The following TTN variants were observed in gnomAD, a reference collection of about 807,000 sequenced individuals.
TTN encodes connectin.
A neutral mutation model predicts 3,223.0 loss-of-function variants in TTN; 1,525 were observed. That is an observed-to-expected ratio of 0.47 (90% CI 0.45 to 0.49). The LOEUF (loss-of-function observed/expected upper bound fraction) is 0.49. TTN is among the 20% of genes least tolerant of loss of function. TTN has a pLI of 0.00. For missense variants in TTN, 40,786 were observed against 43,424.0 expected, an observed-to-expected ratio of 0.94 and a Z score of 5.40; for synonymous variants, 14,094 against 15,161.0, an observed-to-expected ratio of 0.93 and a Z score of 5.17.
At chr2:178,678,606 C>T in intron 143 of TTN, 109 bp from the exon 144 acceptor site, 2 of 1,134,736 alleles carry the variant, frequency 1.8e-6, no homozygotes, top group African/African-American at 1.6e-5. Flanking sequence ...AAAGGTATTC[C>T]AAGAAGCATT....
chr2:178,724,991 A>T (rs1296962976), intron 71 of TTN: 3 of 208,534 alleles, frequency 1.4e-5, no homozygotes, highest in Non-Finnish European at 2.8e-5. Flanking sequence ...ACAATTGTTT[A>T]ATTGTCATTA....
intron 47 of TTN, chr2:178,746,866 G>T: frequency 6.2e-7 from 1 of 1,613,470 alleles, no homozygotes. Context: ...GCATTTCATT[G>T]TCTTTTGGCT....
Position 178,784,078 on chromosome 2 carries a change from C to T in TTN, c.2767G>A (p.Glu923Lys), listed in dbSNP as rs369195237. 6.2e-5 allele frequency: 100 copies of T among 1,613,032 alleles called. No homozygotes were observed. The highest frequency in any genetic ancestry group is 1.6e-4 in the East Asian group (7 of 44,870). ...EERFEVLHGR[E>K]AKVTETARVP... is the part of the protein sequence containing the mutation. ...GGTAACCAGTGACCAACCTTGGCTT[C>T]GCGTCCGTGCAGTACTTCAAAGCGC... is the stretch of plus-strand genomic sequence containing the variant. The change falls in exon 16 of 363, where the codon GAA (glutamate) becomes AAA (lysine). Residue 923 changes from glutamate to lysine, a missense_variant. Transcript: ENST00000589042.
rs753063571 is a variant in TTN, at chr2:178,722,429, T to C, written c.22358A>G (p.Tyr7453Cys). ...NGSAPIQVCW[Y>C]RDGVLLRDDE... ...GTCTCTTAAAAGTACTCCATCTCTA[T>C]ACCAGCACACTTGGATGGGTGCAGA... is the stretch of plus-strand genomic sequence containing the variant. Residue 7453 changes from tyrosine to cysteine, a missense_variant, in exon 77 of 363, where the codon TAT (tyrosine) becomes TGT (cysteine). Tyr to Cys is a radical substitution (Grantham distance 194). Coordinates refer to ENST00000589042, the MANE Select transcript of TTN (RefSeq NM_001267550.2). 1.2e-6 allele frequency: 2 copies of C among 1,613,446 alleles called. No homozygotes were observed. The highest frequency in any genetic ancestry group is 1.7e-6 in the Non-Finnish European group (2 of 1,179,518).
chr2:178,800,668 G>A lies in TTN; in HGVS notation c.310C>T (p.Pro104Ser), dbSNP rs752692701. 3.1e-6 allele frequency: 5 copies of A among 1,609,366 alleles called. No individual in the cohort carries two copies. Among genetic ancestry groups the A allele is most frequent in the Non-Finnish European group, 4.2e-6 (5 of 1,177,584 alleles). Residue 104 changes from proline to serine, a missense_variant, in exon 4 of 363, where the codon CCC (proline) becomes TCC (serine). Coordinates refer to ENST00000589042, the MANE Select transcript of TTN (RefSeq NM_001267550.2). ...ELLVKAETAP[P>S]NFVQRLQSMT... ...CTCTGCAGTCGTTGAACGAAGTTGG[G>A]TGGTGCTGTCTCAGCTGCGGGGACA...
chr2:178,722,363 G>C lies in TTN; in HGVS notation c.22424C>G (p.Thr7475Ser). Residue 7475 changes from threonine to serine, a missense_variant, in exon 77 of 363, where the codon ACT becomes AGT. By Grantham distance (58) the Thr-to-Ser change is moderately conservative. Coordinates refer to ENST00000589042, the MANE Select transcript of TTN (RefSeq NM_001267550.2). Reference protein sequence around the residue: ...LQTSFVDNVATLKILQTDLSH... With the variant: ...LQTSFVDNVASLKILQTDLSH... The stretch of plus-strand genomic sequence containing the variant: ...CAAGTCAGTTTGCAAAATTTTTAAA[G>C]TTGCCACATTATCTACAAATGAAGT... The C allele has an allele frequency of 6.2e-7, 1 of 1,613,296 alleles. No individual in the cohort carries two copies.
rs886043518 is a variant in TTN at position 178,566,008 on chromosome 2, G to C, written c.80124C>G (p.Ile26708Met). Residue 26708 changes from isoleucine to methionine, a missense_variant, in exon 326 of 363, where the codon ATC becomes ATG. Ile to Met is a conservative substitution (Grantham distance 10). Coordinates refer to ENST00000589042, the MANE Select transcript of TTN (RefSeq NM_001267550.2). ...TCTTGACCTTTGCCCCTCCATCAAT[G>C]ATGGGTGGCTCCCATACCAGGAAGG... ...DSAFLVWEPP[I>M]IDGGAKVKNY... 1.2e-6 allele frequency: 2 copies of C among 1,613,500 alleles called. No homozygotes were observed. The highest frequency in any genetic ancestry group is 1.7e-4 in the Middle Eastern group (1 of 6,050).
At chr2:178,539,301 A>ATTATAAGCCAATGACTTTCAT in intron 352 of TTN, 50 bp from the exon 353 acceptor site, 1 of 1,598,280 alleles carries the variant, frequency 6.3e-7, no homozygotes, top group Non-Finnish European at 8.5e-7. Context: ...AGTCCCAAGT[A>ATTATAAGCCAATGACTTTCAT]TTATAAGCCA....
chr2:178,604,492 C>G (rs1021508201), intron 281 of TTN, among the ~76,000 whole-genome samples, 187 bp from the exon 282 acceptor site: 10 of 151,848 alleles, frequency 6.6e-5, no homozygotes, highest in Admixed American at 3.9e-4. Flanking sequence ...ATGTATTGTA[C>G]CTGATAGTGG....
intron 238 of TTN, 51 bp from the exon 239 acceptor site, chr2:178,630,418 T>A (rs2059661076): frequency 1.3e-6 from 2 of 1,535,210 alleles, no homozygotes; most frequent in Non-Finnish European, 1.7e-6. Context: ...TTCTTTGAAA[T>A]TTTGTTCTAA....
At position 178,766,593 on chromosome 2, in the gene TTN, G is replaced by T; in HGVS notation, c.9491C>A (p.Ala3164Asp). 6.2e-7 allele frequency: 1 copy of T among 1,613,784 alleles called. No individual in the cohort carries two copies. The highest frequency in any genetic ancestry group is 8.5e-7 in the Non-Finnish European group (1 of 1,179,838). Reference protein sequence around the residue: ...KEVQVIEKQRAVVEFEVNEDD... With the variant: ...KEVQVIEKQRDVVEFEVNEDD... Reference sequence around the variant, plus strand: ...TTCATTGACCTCAAATTCAACAACAGCACGCTGTTTCTCAATGACCTGTTG... The same window carrying T: ...TTCATTGACCTCAAATTCAACAACATCACGCTGTTTCTCAATGACCTGTTG... The change falls in exon 41 of 363, where the codon GCT (alanine) becomes GAT (aspartate). Residue 3164 changes from alanine to aspartate, a missense_variant. Physicochemically the swap from Ala to Asp is moderately radical, Grantham distance 126. Coordinates refer to ENST00000589042, the MANE Select transcript of TTN (RefSeq NM_001267550.2).
At position 178,709,763 on chromosome 2, in the gene TTN, C is replaced by T. The variant is rs1166241741; in HGVS notation, c.28556G>A (p.Gly9519Asp). 1 of 1,613,824 alleles carries T rather than the reference C, an allele frequency of 6.2e-7. No homozygotes were observed. Among genetic ancestry groups the T allele is most frequent in the Non-Finnish European group, 8.5e-7 (1 of 1,179,818 alleles). Residue 9519 changes from glycine to aspartate, a missense_variant, in exon 99 of 363, where the codon GGT (glycine) becomes GAT (aspartate). Gly to Asp is a moderately conservative substitution (Grantham distance 94). Coordinates refer to ENST00000589042, the MANE Select transcript of TTN (RefSeq NM_001267550.2). ...NSFKLEGRVAGSQPITVAWYK... is the reference protein window; with the variant it reads ...NSFKLEGRVADSQPITVAWYK... ...CCAGGCAACAGTTATAGGTTGGGAA[C>T]CAGCCACACGTCCCTCAAGTTTGAA...
At chr2:178,599,105 A>AG (rs1559663879) in intron 290 of TTN, 41 bp downstream of exon 290, 4 of 1,508,634 alleles carry the variant, frequency 2.7e-6, no homozygotes, top group Middle Eastern at 3.6e-4. Flanking sequence ...TTAAAAAAAA[A>AG]GTAAAAATGG....
rs371345921 is a variant in TTN at position 178,562,502 on chromosome 2, C to A, written c.83630G>T (p.Arg27877Leu). Residue 27877 changes from arginine (R) to leucine (L), a missense_variant, in exon 326 of 363, where the codon CGT (arginine) becomes CTT (leucine). Coordinates refer to ENST00000589042, the MANE Select transcript of TTN (RefSeq NM_001267550.2). ...CTCCCACTTAATTGTAGCTGTATTA[C>A]GGGTCACATCAACAAGAGTTACTCT... ...PGRVTLVDVT[R>L]NTATIKWEKP... 30 of 1,612,468 alleles carry A rather than the reference C, an allele frequency of 1.9e-5. No individual in the cohort carries two copies. Among genetic ancestry groups the A allele is most frequent in the Non-Finnish European group, 2.5e-5 (30 of 1,179,458 alleles).
In TTN at chr2:178,548,658, C is replaced by G. The variant is rs747622770; in HGVS notation, c.92968G>C (p.Asp30990His). The change falls in exon 339 of 363, where the codon GAT (aspartate) becomes CAT (histidine). Residue 30990 changes from aspartate to histidine, a missense_variant. Physicochemically the swap from Asp to His is moderately conservative, Grantham distance 81 (BLOSUM62 -1). Transcript: ENST00000589042. The surrounding 1 kb of genome is among the most constrained non-coding windows in gnomAD (Gnocchi z 4.3). Reference sequence around the variant, plus strand: ...ACAGTAAGGGTATATTTCCCTGCATCATTTCTGTTGCAGTTTTCCACAGTG... The same window carrying G: ...ACAGTAAGGGTATATTTCCCTGCATGATTTCTGTTGCAGTTTTCCACAGTG... Reference protein sequence around the residue: ...TLTVENCNRNDAGKYTLTVEN... With the variant: ...TLTVENCNRNHAGKYTLTVEN... 9.3e-6 allele frequency: 15 copies of G among 1,613,728 alleles called. No homozygotes were observed. The highest frequency in any genetic ancestry group is 1.3e-5 in the Non-Finnish European group (15 of 1,179,808).
At chr2:178,529,773 C>A (rs1437054562) in intron 359 of TTN, among the ~76,000 whole-genome samples, 187 bp downstream of exon 359, 3 of 152,134 alleles carry the variant, frequency 2.0e-5, no homozygotes, top group African/African-American at 7.2e-5. Flanking sequence ...GCTTTTTATG[C>A]TCATAGAAAA....
In TTN at chr2:178,526,813, A is replaced by G; in HGVS notation, c.*199T>C. ...TAATCCGGCTATATACAGTATGTAC[A>G]TGTCACTAGCAAATGTATTATATTC... On this transcript the variant is annotated 3_prime_UTR_variant, in exon 363 of 363. Coordinates refer to ENST00000589042, the MANE Select transcript of TTN (RefSeq NM_001267550.2). 1.9e-6 allele frequency: 1 copy of G among 527,440 alleles called. No individual in the cohort carries two copies. The highest frequency in any genetic ancestry group is 2.9e-5 in the East Asian group (1 of 34,080). The allele number at this position is 527,440 out of a possible 1,614,324, so 32.7% of individuals were successfully genotyped here.
rs759120495 is a variant in TTN at position 178,592,045 on chromosome 2, C to T, written c.59859G>A (p.Ala19953=). The T allele has an allele frequency of 2.7e-5, 44 of 1,612,928 alleles. No homozygotes were observed. Among genetic ancestry groups the T allele is most frequent in the Middle Eastern group, 1.6e-4 (1 of 6,072 alleles). Residue 19953 remains alanine (A), a synonymous_variant, in exon 302 of 363, where the codon GCG becomes GCA. Transcript: ENST00000589042. Reference sequence around the variant, plus strand: ...AAGGACCACGTCCATACTGGTTCTCCGCAGCTACTCGGAAGAGGTACTGGT... The same window carrying T: ...AAGGACCACGTCCATACTGGTTCTCTGCAGCTACTCGGAAGAGGTACTGGT... ...EGNQYLFRVA[A]ENQYGRGPFV...
Position 178,684,363 on chromosome 2 carries a change from C to T in TTN, c.32689G>A (p.Val10897Ile), listed in dbSNP as rs949733221. ...TTTGGAGGCGCCTCTTTTTTAGTTA[C>T]AGCAACAAGAACTTTTTCTTCCTGG... ...ITQEEKVLVA[V>I]TKKEAPPKAR... The change falls in exon 132 of 363, where the codon GTA (valine) becomes ATA (isoleucine). Residue 10897 changes from valine (V) to isoleucine (I), a missense_variant. Coordinates refer to ENST00000589042, the MANE Select transcript of TTN (RefSeq NM_001267550.2). 4 of 1,613,416 alleles carry T rather than the reference C, an allele frequency of 2.5e-6. No individual in the cohort carries two copies. The African/African-American group carries it at 4.0e-5, about 16-fold the overall frequency.
Sources: gnomAD v4.1 joint callset for allele counts (sites outside exome capture counted in the v4.1 genomes callset) on GRCh38, gnomAD v4.1.1 for gene constraint, Gnocchi (gnomAD v3.1) non-coding constraint, MANE v1.5 for transcripts, NCBI Gene and HGNC (gene_info 2026-07-23, HGNC 2026-07-21) for gene names.